ARHGAP8: variants seen among roughly 807,000 people sequenced by gnomAD.
ARHGAP8 encodes Rho GTPase activating protein 8.
ARHGAP8 carries 62 observed loss-of-function variants against 46.1 expected under a neutral mutation model. The ratio of observed to expected loss-of-function variants is 1.34; its 90% CI spans 1.10 to 1.66. The LOEUF (loss-of-function observed/expected upper bound fraction) is 1.66, where lower values mean the gene tolerates loss of function less well. Among genes scored for constraint, ARHGAP8 ranks in the 40% most tolerant of loss-of-function variants. The probability of loss-of-function intolerance (pLI) is 0.00; values close to 1 mark genes in which losing one functional copy is unlikely to be tolerated. For synonymous variants in ARHGAP8, 375 were observed against 243.1 expected (o/e 1.54, Z -5.05); for missense variants, 923 against 568.4 (o/e 1.62, Z -6.34).
intron 2 of ARHGAP8, among the ~76,000 whole-genome samples, chr22:44,800,523 G>C (rs1441812046): frequency 6.7e-6 from 1 of 149,712 alleles, no homozygotes; most frequent in African/African-American, 2.5e-5. Flanking sequence ...GTCCATATGT[G>C]GGGGGCACCC....
Position 44,822,423 on chromosome 22 carries a change from G to C in ARHGAP8, c.439G>C (p.Glu147Gln), listed in dbSNP as rs371746347. ...IYFNYLSELH[E>Q]HLKYDQLVIP... ...TTTCAACTACCTGAGTGAGCTCCAC[G>C]AACACCTTAAATACGACCAGCTGGT... The change falls in exon 6 of 12, where the codon GAA becomes CAA. Residue 147 changes from glutamate (E) to glutamine (Q), a missense_variant. Coordinates refer to ENST00000356099, the MANE Select transcript of ARHGAP8 (RefSeq NM_181335.3). The C allele has an allele frequency of 6.3e-7, 1 of 1,577,968 alleles. No homozygotes were observed. The highest frequency in any genetic ancestry group is 1.2e-5 in the South Asian group (1 of 83,436).
Position 44,854,024 on chromosome 22 carries a change from C to CAAAAAAAA in ARHGAP8, c.877+4995_877+5002dup, listed in dbSNP as rs71315119. Among the ~76,000 whole-genome samples, 23 of 43,302 alleles carry CAAAAAAAA rather than the reference C, an allele frequency of 5.3e-4. 1 individual carries two copies. Among genetic ancestry groups the CAAAAAAAA allele is most frequent in the Non-Finnish European group, 8.0e-4 (20 of 25,156 alleles). 28.4% of individuals were successfully genotyped at this position (43,302 alleles called of 152,430 possible). On this transcript the variant is annotated intron_variant, in intron 10 of 11. Coordinates refer to ENST00000356099, the MANE Select transcript of ARHGAP8 (RefSeq NM_181335.3). ...CCTGGGACACAGCGAGACTCTGTCT[C>CAAAAAAAA]AAAAAAAAAAAAAAAAAAAAAAAAA...
chr22:44,808,551 G>A (rs563563167), intron 4 of ARHGAP8, 113 bp downstream of exon 4: 24 of 1,510,588 alleles, frequency 1.6e-5, no homozygotes, highest in South Asian at 8.8e-5. Context: ...CTGGTAGGGC[G>A]GAGGGTGGAG....
Position 44,825,533 on chromosome 22 carries a change from C to T in ARHGAP8, c.536C>T (p.Thr179Ile), listed in dbSNP as rs375415792. 1 of 1,613,518 alleles carries T rather than the reference C, an allele frequency of 6.2e-7. No homozygotes were observed. Among genetic ancestry groups the T allele is most frequent in the African/African-American group, 1.3e-5 (1 of 74,894 alleles). Residue 179 changes from threonine to isoleucine, a missense_variant, in exon 7 of 12, where the codon ACC becomes ATC. Transcript: ENST00000356099. ...SLHEGRTPPPTKTPPPRPPLP... is the reference protein window; with the variant it reads ...SLHEGRTPPPIKTPPPRPPLP... The stretch of plus-strand genomic sequence containing the variant: ...CACGAGGGCCGGACGCCGCCTCCCA[C>T]CAAGACACCACCGCCGCGGCCCCCG...
intron 1 of ARHGAP8, among the ~76,000 whole-genome samples, chr22:44,767,525 C>A (rs1416703111): frequency 6.6e-6 from 1 of 152,082 alleles, no homozygotes; most frequent in Non-Finnish European, 1.5e-5. Context: ...ACATTCAAAT[C>A]CCGCAGTTGT....
At chr22:44,810,678 A>G (rs1468874394) in intron 4 of ARHGAP8, among the ~76,000 whole-genome samples, 2 of 152,186 alleles carry the variant, frequency 1.3e-5, no homozygotes, top group African/African-American at 4.8e-5. Context: ...AGTGGTGGGC[A>G]GGGTGTTGTG....
chr22:44,824,472 G>A (rs974501817), intron 6 of ARHGAP8, among the ~76,000 whole-genome samples: 9 of 152,076 alleles, frequency 5.9e-5, no homozygotes, highest in Non-Finnish European at 1.0e-4. Flanking sequence ...CCTCACTCCC[G>A]AGCTGCCAAC....
intron 10 of ARHGAP8, 83 bp from the exon 11 acceptor site, chr22:44,859,648 C>A: frequency 6.8e-7 from 1 of 1,467,546 alleles, no homozygotes; most frequent in Non-Finnish European, 9.3e-7. Context: ...GTCCTTCCTA[C>A]ACCCCTGTTC....
intron 8 of ARHGAP8, among the ~76,000 whole-genome samples, chr22:44,845,872 G>A (rs1012084089): frequency 2.0e-5 from 3 of 152,174 alleles, no homozygotes; most frequent in African/African-American, 7.2e-5. Context: ...ACCTTAATGG[G>A]AGGAAAGAGG....
chr22:44,796,664 C>G (rs909105826), intron 2 of ARHGAP8, among the ~76,000 whole-genome samples: 30 of 152,286 alleles, frequency 2.0e-4, no homozygotes, highest in African/African-American at 6.5e-4. Flanking sequence ...AAGGGGAGGC[C>G]TCTTAACTCC....
At chr22:44,792,044 G>A (rs1169792320) in intron 2 of ARHGAP8, among the ~76,000 whole-genome samples, 1 of 148,584 alleles carries the variant, frequency 6.7e-6, no homozygotes, top group Admixed American at 6.7e-5. Context: ...ATGGAGTCTT[G>A]CTCTGTTGCC....
chr22:44,811,383 G>A lies in ARHGAP8; in HGVS notation c.299+2945G>A, dbSNP rs149161828. On this transcript the variant is annotated intron_variant, in intron 4 of 11. Transcript: ENST00000356099. ...TGTCAGAGCTCTCACATTGAAGGGC[G>A]TTGATAAGTGGAGCCACGCAGGTGG... 7.1e-3 allele frequency among the ~76,000 whole-genome samples: 1,089 copies of A among 152,336 alleles called. 7 individuals are homozygous for A. Among genetic ancestry groups the A allele is most frequent in the African/African-American group, 0.024 (980 of 41,584 alleles).
intron 2 of ARHGAP8, among the ~76,000 whole-genome samples, chr22:44,799,329 C>A (rs2147074213): frequency 6.6e-6 from 1 of 152,376 alleles, no homozygotes; most frequent in South Asian, 2.1e-4. Flanking sequence ...GTGCTCACAG[C>A]CAGAGGAGCT....
At chr22:44,835,637 G>C (rs1373132722) in intron 7 of ARHGAP8, among the ~76,000 whole-genome samples, 2 of 152,040 alleles carry the variant, frequency 1.3e-5, no homozygotes, top group African/African-American at 4.8e-5. Context: ...AGAAGGATTG[G>C]GGACTTGCAA....
chr22:44,818,652 C>T lies in ARHGAP8; in HGVS notation c.387-3719C>T, dbSNP rs116315494. ...AAGTCATTCCATTGTCATAATAATTCACTGACTTAATACATATAGTGTTTA... is the reference window on the plus strand; with the variant it reads ...AAGTCATTCCATTGTCATAATAATTTACTGACTTAATACATATAGTGTTTA... On this transcript the variant is annotated intron_variant, in intron 5 of 11. Transcript: ENST00000356099. 6.8e-3 allele frequency among the ~76,000 whole-genome samples: 1,032 copies of T among 152,278 alleles called. 13 individuals carry two copies. Among genetic ancestry groups the T allele is most frequent in the African/African-American group, 0.024 (993 of 41,552 alleles).
chr22:44,849,637 A>AC (rs1183635814), intron 10 of ARHGAP8: 1 of 152,088 alleles, frequency 6.6e-6, no homozygotes, highest in African/African-American at 2.4e-5. Flanking sequence ...GAACCATAAA[A>AC]CCCCTCAGGC....
chr22:44,823,972 C>A (rs1930331335), intron 6 of ARHGAP8, among the ~76,000 whole-genome samples: 1 of 152,114 alleles, frequency 6.6e-6, no homozygotes, highest in African/African-American at 2.4e-5. Flanking sequence ...ACCCCTGTTC[C>A]ATAGCCATGC....
chr22:44,761,947 T>C (rs1458607063), intron 1 of ARHGAP8, among the ~76,000 whole-genome samples: 2 of 152,198 alleles, frequency 1.3e-5, no homozygotes, highest in Non-Finnish European at 2.9e-5. Flanking sequence ...TTCACTACCA[T>C]GAGAACAGTG....
intron 2 of ARHGAP8, among the ~76,000 whole-genome samples, chr22:44,796,331 G>A (rs1272397447): frequency 6.6e-6 from 1 of 152,168 alleles, no homozygotes; most frequent in East Asian, 1.9e-4. Context: ...TTTGCTCCTC[G>A]GGGGCAGCTG....
Sources: allele counts gnomAD v4.1 joint callset (sites outside exome capture counted in the v4.1 genomes callset), GRCh38; gene constraint gnomAD v4.1.1; transcripts MANE v1.5; gene names NCBI Gene and HGNC (gene_info 2026-07-23, HGNC 2026-07-21).